KPNA3: variants seen among roughly 807,000 people sequenced by gnomAD.
The protein encoded by KPNA3 is importin subunit alpha-4.
A neutral mutation model predicts 73.8 loss-of-function variants in KPNA3; 13 were observed. That is an observed-to-expected ratio of 0.18 (90% CI 0.11 to 0.28). The LOEUF (loss-of-function observed/expected upper bound fraction) is 0.28, where lower values mean the gene tolerates loss of function less well. Ranked by LOEUF, KPNA3 falls within the 10% of genes least tolerant of loss-of-function variation. The pLI, the probability that KPNA3 is intolerant of heterozygous loss-of-function variation, is 1.00. For missense variants in KPNA3, 360 were observed against 618.1 expected (o/e 0.58, Z 4.43); for synonymous variants, 186 against 206.9 (o/e 0.90, Z 0.87).
intron 2 of KPNA3, 103 bp downstream of exon 2, chr13:49,746,846 G>A: frequency 2.6e-6 from 2 of 779,188 alleles, no homozygotes; most frequent in Admixed American, 2.1e-5. Context: ...GTGGTTTTAG[G>A]GATGACCACT....
rs912792431 is a variant in KPNA3, at chr13:49,705,631, C to G, written c.1362G>C (p.Glu454Asp). The G allele has an allele frequency of 6.2e-7, 1 of 1,613,694 alleles. No homozygotes were observed. The highest frequency in any genetic ancestry group is 8.5e-7 in the Non-Finnish European group (1 of 1,179,924). ...TCAATCCACTCTTACCTCCACATTC[C>G]TCTATTATTTCAGCTATTGTGCTTG... ...DEASTIAEIIEECGGLEKIEV... is the reference protein window; with the variant it reads ...DEASTIAEIIDECGGLEKIEV... Residue 454 changes from glutamate to aspartate, a missense_variant, in exon 15 of 17, where the codon GAG (glutamate) becomes GAC (aspartate). Glu to Asp is a conservative substitution (Grantham distance 45, BLOSUM62 2). This residue lies in a region of KPNA3 where 287 missense variants were observed against 549.1 expected (regional missense o/e 0.52). Transcript: ENST00000261667.
chr13:49,762,088 G>A (rs1257628612), intron 1 of KPNA3, among the ~76,000 whole-genome samples: 1 of 151,120 alleles, frequency 6.6e-6, no homozygotes, highest in African/African-American at 2.4e-5. Flanking sequence ...CCCGGCAGAC[G>A]CCCCATCCGG....
chr13:49,724,453 G>A lies in KPNA3; in HGVS notation c.469+963C>T, dbSNP rs571883836. On this transcript the variant is annotated intron_variant, in intron 7 of 16. Coordinates refer to ENST00000261667, the MANE Select transcript of KPNA3 (RefSeq NM_002267.4). Reference sequence around the variant, plus strand: ...CAAGCAGCTGGGACTACAGGCGCCCGCCACCATGCCCGGCTAATTTTGTTT... The same window carrying A: ...CAAGCAGCTGGGACTACAGGCGCCCACCACCATGCCCGGCTAATTTTGTTT... 3.3e-5 allele frequency among the ~76,000 whole-genome samples: 5 copies of A among 152,094 alleles called. 1 individual carries two copies. The South Asian group carries it at 8.3e-4, about 25-fold the overall frequency.
At position 49,792,592 on chromosome 13, in the gene KPNA3, A is replaced by T; in HGVS notation, c.-86T>A. ...TTGGAGCGGGAGGGGGAGGAGGGGG[A>T]GAGCGGGAGGGGGGAGGGGAGAGAA... On this transcript the variant is annotated 5_prime_UTR_variant, in exon 1 of 17. Transcript: ENST00000261667. 1 of 118,300 alleles carries T rather than the reference A, an allele frequency of 8.5e-6. No homozygotes were observed. Among genetic ancestry groups the T allele is most frequent in the Non-Finnish European group, 1.7e-5 (1 of 59,836 alleles). The allele number at this position is 118,300 out of a possible 1,614,324, so 7.3% of individuals were successfully genotyped here. A position where few individuals can be genotyped will look rare whatever the true frequency, so the allele number is the denominator to read the frequency against.
chr13:49,770,605 G>A (rs1954845073), intron 1 of KPNA3, among the ~76,000 whole-genome samples: 1 of 146,038 alleles, frequency 6.8e-6, no homozygotes, highest in Non-Finnish European at 1.5e-5. Context: ...CCAGTGCCAA[G>A]GTTACAAAGA....
chr13:49,774,048 G>A (rs896665013), intron 1 of KPNA3, among the ~76,000 whole-genome samples: 1 of 151,714 alleles, frequency 6.6e-6, no homozygotes, highest in African/African-American at 2.4e-5. Context: ...TGGGACCACA[G>A]GTGTGTGCCA....
intron 9 of KPNA3, 45 bp from the exon 10 acceptor site, chr13:49,719,864 T>C (rs925158051): frequency 3.9e-6 from 5 of 1,277,668 alleles, no homozygotes; most frequent in South Asian, 1.2e-5. Context: ...TTAATTAATA[T>C]GTCTGTAAAA....
At chr13:49,708,303 G>T (rs977206800) in intron 12 of KPNA3, among the ~76,000 whole-genome samples, 1 of 151,774 alleles carries the variant, frequency 6.6e-6, no homozygotes. Context: ...CCAACTAAAC[G>T]TAAATTTAAA....
chr13:49,767,246 G>A (rs149191793), intron 1 of KPNA3, among the ~76,000 whole-genome samples: 2,591 of 151,516 alleles, frequency 0.017, 61 homozygotes, highest in African/African-American at 0.059. Flanking sequence ...GTGAAACCCC[G>A]TCTCTACTAA....
chr13:49,723,024 C>T (rs567312698), intron 7 of KPNA3, among the ~76,000 whole-genome samples: 5 of 151,908 alleles, frequency 3.3e-5, no homozygotes, highest in Non-Finnish European at 7.4e-5. Context: ...ACATTATACC[C>T]ATTTCCAGCA....
At chr13:49,742,895 A>G (rs1001608659) in intron 2 of KPNA3, among the ~76,000 whole-genome samples, 6 of 152,210 alleles carry the variant, frequency 3.9e-5, no homozygotes, top group Non-Finnish European at 2.9e-5. Context: ...AAACTTCAAT[A>G]CATGACTTAA....
chr13:49,786,847 A>G (rs1289232054), intron 1 of KPNA3, among the ~76,000 whole-genome samples: 1 of 152,218 alleles, frequency 6.6e-6, no homozygotes, highest in African/African-American at 2.4e-5. Flanking sequence ...ACACAGAAAG[A>G]TATGAGAAAG....
intron 1 of KPNA3, among the ~76,000 whole-genome samples, chr13:49,767,418 A>T (rs1295829000): frequency 1.4e-4 from 14 of 102,682 alleles, no homozygotes; most frequent in Admixed American, 1.2e-3. Context: ...TGTCTCAATA[A>T]AAAAAAAAAA....
intron 2 of KPNA3, among the ~76,000 whole-genome samples, chr13:49,738,303 CCT>C (rs963934828): frequency 6.6e-6 from 1 of 152,166 alleles, no homozygotes; most frequent in Non-Finnish European, 1.5e-5. Context: ...AGTAATTTCC[CCT>C]TTTTTCTTGT....
intron 2 of KPNA3, among the ~76,000 whole-genome samples, chr13:49,739,705 GCT>G (rs1182799934): frequency 6.6e-6 from 1 of 152,070 alleles, no homozygotes; most frequent in Admixed American, 6.6e-5. Flanking sequence ...TTACAGTTCT[GCT>G]ACAAGATAAG....
At chr13:49,767,937 A>T (rs1006553528) in intron 1 of KPNA3, among the ~76,000 whole-genome samples, 3 of 152,220 alleles carry the variant, frequency 2.0e-5, no homozygotes, top group African/African-American at 7.2e-5. Context: ...AACCTACCTT[A>T]CATAGTCCAA....
At chr13:49,732,556 C>T (rs888724079) in intron 5 of KPNA3, 49 bp downstream of exon 5, 2 of 1,495,952 alleles carry the variant, frequency 1.3e-6, no homozygotes, top group African/African-American at 2.8e-5. Context: ...TACCAGGTAA[C>T]ACAACTGAGG....
intron 6 of KPNA3, among the ~76,000 whole-genome samples, chr13:49,726,840 T>C (rs576583289): frequency 1.3e-5 from 2 of 151,174 alleles, no homozygotes; most frequent in South Asian, 4.2e-4. Context: ...CTACTTGGGA[T>C]GCTGGGCGGG....
chr13:49,740,618 C>T (rs1954565027), intron 2 of KPNA3, among the ~76,000 whole-genome samples: 1 of 152,100 alleles, frequency 6.6e-6, no homozygotes, highest in South Asian at 2.1e-4. Context: ...ATTGTGAGAC[C>T]TCCCCAGCCA....
Sources: allele counts gnomAD v4.1 joint callset (sites outside exome capture counted in the v4.1 genomes callset), GRCh38; gene constraint gnomAD v4.1.1; regional missense constraint gnomAD v4.1.1; transcripts MANE v1.5; gene names NCBI Gene and HGNC (gene_info 2026-07-23, HGNC 2026-07-21).